Variants in PIP4P2 observed in about 807,000 individuals in gnomAD.
The protein encoded by PIP4P2 is phosphatidylinositol-4,5-bisphosphate 4-phosphatase 2.
In PIP4P2, 19 loss-of-function variants were observed where a neutral mutation model predicts 33.3. That is an observed-to-expected ratio of 0.57 (90% CI 0.40 to 0.84). PIP4P2 has a LOEUF of 0.84. Among genes scored for constraint, PIP4P2 ranks in the 40% least tolerant of loss-of-function variants. The pLI, the probability that PIP4P2 is intolerant of heterozygous loss-of-function variation, is 0.00. For missense variants in PIP4P2, 270 were observed against 324.7 expected, an observed-to-expected ratio of 0.83 and a Z score of 1.29; for synonymous variants, 110 against 111.9, an observed-to-expected ratio of 0.98 and a Z score of 0.11.
rs576615333 is a variant in PIP4P2 at position 91,025,966 on chromosome 8, G to C, written c.107-4562C>G. ...ATTTTAGGAGACTCAAGTTCTCCCA[G>C]AACAATGACATTCTTGGAAAAATTC... On this transcript the variant is annotated intron_variant, in intron 1 of 6. Coordinates refer to ENST00000285419, the MANE Select transcript of PIP4P2 (RefSeq NM_018710.3). Among the ~76,000 whole-genome samples, 33 of 152,248 alleles carry C rather than the reference G, an allele frequency of 2.2e-4. No homozygotes were observed. In the South Asian group the frequency reaches 4.1e-3, roughly 19 times the overall value.
intron 1 of PIP4P2, 145 bp downstream of exon 1, chr8:91,040,499 G>T: frequency 1.1e-6 from 1 of 886,550 alleles, no homozygotes; most frequent in South Asian, 1.6e-5. Flanking sequence ...GGGCTTGCCT[G>T]GGAAGGCACA....
intron 1 of PIP4P2, among the ~76,000 whole-genome samples, chr8:91,032,477 T>C (rs1024356441): frequency 2.0e-5 from 3 of 152,000 alleles, no homozygotes; most frequent in Admixed American, 2.0e-4. Flanking sequence ...GAATACCTCT[T>C]ACTCATTAAA....
chr8:91,018,296 C>G, intron 4 of PIP4P2, 94 bp downstream of exon 4: 1 of 1,545,168 alleles, frequency 6.5e-7, no homozygotes, highest in Non-Finnish European at 8.8e-7. Context: ...GATTAATTTG[C>G]ATTTGGACAA....
rs1002517846 is a variant in PIP4P2, at chr8:90,994,735, C to T, written c.*942G>A. ...TTTAGCTACTGTAAAATGTCATAAG[C>T]TTCCTTCAAATATAAGTAGTACATA... On this transcript the variant is annotated 3_prime_UTR_variant, in exon 7 of 7. Transcript: ENST00000285419. 12 of 152,174 alleles carry T rather than the reference C, an allele frequency of 7.9e-5. No homozygotes were observed. Among genetic ancestry groups the T allele is most frequent in the African/African-American group, 2.6e-4 (11 of 41,520 alleles). 9.4% of individuals were successfully genotyped at this position (152,174 alleles called of 1,614,324 possible).
In PIP4P2 at chr8:90,995,548, C is replaced by T; in HGVS notation, c.*129G>A. On this transcript the variant is annotated 3_prime_UTR_variant, in exon 7 of 7. Transcript: ENST00000285419. ...ATGAGCATTTGTTCATAAAAGACTC[C>T]CAAAGTCTTGAAACGATTATACATA... The T allele has an allele frequency of 1.7e-6, 2 of 1,188,702 alleles. No individual in the cohort carries two copies. Among genetic ancestry groups the T allele is most frequent in the Non-Finnish European group, 1.1e-6 (1 of 902,080 alleles). 73.6% of individuals were successfully genotyped at this position (1,188,702 alleles called of 1,614,324 possible).
intron 1 of PIP4P2, among the ~76,000 whole-genome samples, chr8:91,027,207 A>C (rs921789864): frequency 6.6e-6 from 1 of 152,226 alleles, no homozygotes; most frequent in African/African-American, 2.4e-5. Context: ...TTCTCATTGA[A>C]AGTTGGGGCA....
chr8:91,038,541 T>C (rs1020515531), intron 1 of PIP4P2, among the ~76,000 whole-genome samples: 10 of 152,252 alleles, frequency 6.6e-5, no homozygotes, highest in South Asian at 2.1e-4. Flanking sequence ...CCTAATACAA[T>C]ATAGTCTTCA....
chr8:91,016,309 C>CA (rs1216473368), intron 4 of PIP4P2, among the ~76,000 whole-genome samples: 2 of 151,226 alleles, frequency 1.3e-5, no homozygotes, highest in African/African-American at 2.4e-5. Context: ...AATTAAAAAC[C>CA]AAAAAAATGG....
At chr8:91,036,326 T>C (rs1812231216) in intron 1 of PIP4P2, among the ~76,000 whole-genome samples, 1 of 151,838 alleles carries the variant, frequency 6.6e-6, no homozygotes, top group African/African-American at 2.4e-5. Context: ...CTTGGATATT[T>C]GAAAGCATCT....
At chr8:91,037,701 A>C (rs1010161945) in intron 1 of PIP4P2, among the ~76,000 whole-genome samples, 1 of 152,162 alleles carries the variant, frequency 6.6e-6, no homozygotes, top group African/African-American at 2.4e-5. Flanking sequence ...CTGTATAACA[A>C]ATTATTATTT....
chr8:91,036,325 T>G (rs987310546), intron 1 of PIP4P2, among the ~76,000 whole-genome samples: 1 of 151,752 alleles, frequency 6.6e-6, no homozygotes, highest in African/African-American at 2.4e-5. Flanking sequence ...TCTTGGATAT[T>G]TGAAAGCATC....
chr8:91,033,281 C>T (rs774216159), intron 1 of PIP4P2, among the ~76,000 whole-genome samples: 1 of 152,204 alleles, frequency 6.6e-6, no homozygotes, highest in Non-Finnish European at 1.5e-5. Flanking sequence ...GTGACTTCCA[C>T]TGTTCTTCTC....
Position 91,040,789 on chromosome 8 carries a change from G to A in PIP4P2, c.-40C>T, listed in dbSNP as rs760257454. The A allele has an allele frequency of 6.3e-7, 1 of 1,594,066 alleles. No homozygotes were observed. Among genetic ancestry groups the A allele is most frequent in the South Asian group, 1.1e-5 (1 of 90,520 alleles). The stretch of plus-strand genomic sequence containing the variant: ...CGGGGCCTGGGGAGGCCGAGCCGGG[G>A]TTGCGGCCTCGGCGGAGTGGTGGCT... On this transcript the variant is annotated 5_prime_UTR_variant, in exon 1 of 7. Transcript: ENST00000285419.
At chr8:91,033,714 C>G (rs1336127457) in intron 1 of PIP4P2, among the ~76,000 whole-genome samples, 1 of 152,154 alleles carries the variant, frequency 6.6e-6, no homozygotes, top group East Asian at 1.9e-4. Flanking sequence ...CACCTCGCAC[C>G]TCCTCTACCT....
intron 5 of PIP4P2, among the ~76,000 whole-genome samples, chr8:90,999,680 CTG>C (rs1811678009): frequency 6.6e-6 from 1 of 152,098 alleles, no homozygotes; most frequent in Non-Finnish European, 1.5e-5. Context: ...ACAGCAGTCT[CTG>C]TTATTTTAAT....
intron 1 of PIP4P2, among the ~76,000 whole-genome samples, chr8:91,035,754 T>C (rs752124662): frequency 2.1e-4 from 32 of 151,984 alleles, no homozygotes; most frequent in Non-Finnish European, 3.8e-4. Context: ...CTGGGCCTGG[T>C]GTGGTGGCTC....
At chr8:91,018,081 C>G (rs888428175) in intron 4 of PIP4P2, among the ~76,000 whole-genome samples, 1 of 152,118 alleles carries the variant, frequency 6.6e-6, no homozygotes, top group East Asian at 1.9e-4. Flanking sequence ...CAGGTGAGAG[C>G]AGGGCTAAGA....
chr8:91,018,257 G>T, intron 4 of PIP4P2, 133 bp downstream of exon 4: 1 of 1,381,696 alleles, frequency 7.2e-7, no homozygotes, highest in Non-Finnish European at 9.8e-7. Flanking sequence ...CTGATTGTCT[G>T]CCTAAATAAG....
At chr8:90,998,628 A>C (rs966795911) in intron 5 of PIP4P2, among the ~76,000 whole-genome samples, 1 of 152,016 alleles carries the variant, frequency 6.6e-6, no homozygotes, top group Non-Finnish European at 1.5e-5. Flanking sequence ...CAACTATCTG[A>C]TCTTCAACAA....
Sources: gnomAD v4.1 joint callset for allele counts (sites outside exome capture counted in the v4.1 genomes callset) on GRCh38, gnomAD v4.1.1 for gene constraint, MANE v1.5 for transcripts, NCBI Gene and HGNC (gene_info 2026-07-23, HGNC 2026-07-21) for gene names.